CYP7B1: variants seen among roughly 807,000 people sequenced by gnomAD.
CYP7B1 encodes cytochrome P450 family 7 subfamily B member 1.
CYP7B1 carries 29 observed loss-of-function variants against 42.7 expected under a neutral mutation model. The observed-to-expected ratio is 0.68, with a 90% CI of 0.51 to 0.93. CYP7B1 has a LOEUF of 0.93. Ranked by LOEUF, CYP7B1 falls within the 40% of genes least tolerant of loss-of-function variation. CYP7B1 has a pLI of 0.00. For synonymous variants in CYP7B1, 235 were observed against 218.2 expected (o/e 1.08, Z -0.68); for missense variants, 655 against 600.5 (o/e 1.09, Z -0.95).
At position 64,617,495 on chromosome 8, in the gene CYP7B1, C is replaced by A. The variant is rs368259914; in HGVS notation, c.260-1214G>T. ...TTGATGAGAAGTTACTCACCATGCA[C>A]TATTCTTTGTCTTCTCACTAGAGTG... On this transcript the variant is annotated intron_variant, in intron 2 of 5. Coordinates refer to ENST00000310193, the MANE Select transcript of CYP7B1 (RefSeq NM_004820.5). Among the ~76,000 whole-genome samples the A allele has an allele frequency of 2.8e-4, 42 of 152,268 alleles. No individual in the cohort carries two copies. In the East Asian group the frequency reaches 5.6e-3, roughly 20 times the overall value.
chr8:64,651,438 G>A (rs958478513), intron 1 of CYP7B1, among the ~76,000 whole-genome samples: 5 of 152,240 alleles, frequency 3.3e-5, no homozygotes, highest in East Asian at 3.8e-4. Flanking sequence ...AGGACGTAGC[G>A]TCTGGAGCCA....
intron 1 of CYP7B1, among the ~76,000 whole-genome samples, chr8:64,635,777 T>C (rs543141550): frequency 2.0e-5 from 3 of 152,342 alleles, no homozygotes; most frequent in East Asian, 1.9e-4. Flanking sequence ...CTTCAAGCCA[T>C]ATACCAGCTG....
At chr8:64,621,822 G>C (rs4737193) in intron 2 of CYP7B1, among the ~76,000 whole-genome samples, 1 of 149,460 alleles carries the variant, frequency 6.7e-6, no homozygotes. Context: ...TGCAACCTCC[G>C]CCTCCCGGGT....
chr8:64,733,122 G>A (rs1255119134), intron 1 of CYP7B1, among the ~76,000 whole-genome samples: 1 of 152,150 alleles, frequency 6.6e-6, no homozygotes, highest in East Asian at 1.9e-4. Context: ...TTAGCAGCAT[G>A]AGAATGCACT....
intron 1 of CYP7B1, among the ~76,000 whole-genome samples, chr8:64,731,040 A>G (rs1807401545): frequency 6.6e-6 from 1 of 152,124 alleles, no homozygotes; most frequent in Admixed American, 6.6e-5. Flanking sequence ...CCCTTCTGCC[A>G]TCACAGTGTT....
At chr8:64,682,579 T>C (rs1806555357) in intron 1 of CYP7B1, among the ~76,000 whole-genome samples, 1 of 152,244 alleles carries the variant, frequency 6.6e-6, no homozygotes, top group Non-Finnish European at 1.5e-5. Context: ...ATTTAGCTTC[T>C]ACATCATTGG....
chr8:64,702,449 AAT>A (rs1262448066), intron 1 of CYP7B1, among the ~76,000 whole-genome samples: 15 of 152,108 alleles, frequency 9.9e-5, no homozygotes, highest in African/African-American at 3.6e-4. Flanking sequence ...TGACTAGCAA[AAT>A]ATGTTTTTTC....
chr8:64,655,262 C>A (rs1806104533), intron 1 of CYP7B1, among the ~76,000 whole-genome samples: 1 of 152,114 alleles, frequency 6.6e-6, no homozygotes, highest in Admixed American at 6.5e-5. Flanking sequence ...AAAGTATTTG[C>A]AAACTACACC....
At chr8:64,677,683 A>G (rs1806469569) in intron 1 of CYP7B1, among the ~76,000 whole-genome samples, 1 of 149,302 alleles carries the variant, frequency 6.7e-6, no homozygotes, top group Non-Finnish European at 1.5e-5. Context: ...GAAGGAATGC[A>G]TAAGAAGGAA....
chr8:64,773,686 G>C (rs1001250171), intron 1 of CYP7B1, among the ~76,000 whole-genome samples: 3 of 152,166 alleles, frequency 2.0e-5, no homozygotes, highest in African/African-American at 7.2e-5. Context: ...ACAAAGAAAA[G>C]AAGTTTATTA....
intron 1 of CYP7B1, among the ~76,000 whole-genome samples, chr8:64,714,578 T>C (rs991638081): frequency 3.3e-5 from 5 of 152,204 alleles, no homozygotes; most frequent in African/African-American, 1.2e-4. Context: ...TAGCCCTGCT[T>C]GTCCTTTGTC....
rs73242297 is a variant in CYP7B1, at chr8:64,795,406, C to T, written c.122+3060G>A. On this transcript the variant is annotated intron_variant, in intron 1 of 5. Coordinates refer to ENST00000310193, the MANE Select transcript of CYP7B1 (RefSeq NM_004820.5). ...TTCTCCATCAAACCCTTTCATCAGG[C>T]GATCTCAACTTGTTCTTGCTTTAAT... 9.3e-3 allele frequency among the ~76,000 whole-genome samples: 1,422 copies of T among 152,270 alleles called. 16 individuals are homozygous for T. Among genetic ancestry groups the T allele is most frequent in the African/African-American group, 0.032 (1,344 of 41,552 alleles).
intron 1 of CYP7B1, among the ~76,000 whole-genome samples, chr8:64,667,730 A>G: frequency 6.6e-6 from 1 of 152,170 alleles, no homozygotes; most frequent in East Asian, 1.9e-4. Flanking sequence ...AATATCTGTG[A>G]TGGGAAAAAC....
chr8:64,724,223 T>C (rs1235003800), intron 1 of CYP7B1, among the ~76,000 whole-genome samples: 1 of 151,954 alleles, frequency 6.6e-6, no homozygotes, highest in African/African-American at 2.4e-5. Flanking sequence ...CACTGCAACC[T>C]CTGCCTCCTG....
intron 1 of CYP7B1, among the ~76,000 whole-genome samples, chr8:64,673,665 T>C (rs770027517): frequency 6.6e-6 from 1 of 152,262 alleles, no homozygotes; most frequent in Middle Eastern, 3.4e-3. Flanking sequence ...TAATTGTTTG[T>C]TCTTTCCTGC....
chr8:64,695,870 A>C (rs934252729), intron 1 of CYP7B1, among the ~76,000 whole-genome samples: 10 of 152,154 alleles, frequency 6.6e-5, no homozygotes, highest in African/African-American at 2.4e-4. Context: ...TTTAAAAGAA[A>C]AGAAAAATTT....
intron 1 of CYP7B1, among the ~76,000 whole-genome samples, chr8:64,718,967 C>T (rs963683587): frequency 6.6e-6 from 1 of 152,140 alleles, no homozygotes; most frequent in South Asian, 2.1e-4. Context: ...GATGTAGTGG[C>T]TTCTAACATA....
At chr8:64,767,701 A>G (rs1804122366) in intron 1 of CYP7B1, among the ~76,000 whole-genome samples, 2 of 152,216 alleles carry the variant, frequency 1.3e-5, no homozygotes, top group South Asian at 2.1e-4. Flanking sequence ...AAGTATGCCA[A>G]AGAAATAATC....
At chr8:64,752,685 C>T (rs1453466370) in intron 1 of CYP7B1, among the ~76,000 whole-genome samples, 2 of 152,078 alleles carry the variant, frequency 1.3e-5, no homozygotes, top group Non-Finnish European at 2.9e-5. Flanking sequence ...ATCTTATGTC[C>T]TTTTCTACAT....
Sources: allele counts gnomAD v4.1 joint callset (sites outside exome capture counted in the v4.1 genomes callset), GRCh38; gene constraint gnomAD v4.1.1; transcripts MANE v1.5; gene names NCBI Gene and HGNC (gene_info 2026-07-23, HGNC 2026-07-21).